Variants in RGS6 observed in about 807,000 individuals in gnomAD.
The protein encoded by RGS6 is regulator of G-protein signaling 6.
RGS6 carries 30 observed loss-of-function variants against 78.5 expected under a neutral mutation model. The ratio of observed to expected loss-of-function variants is 0.38; its 90% confidence interval spans 0.29 to 0.52. RGS6 has a LOEUF of 0.52. Among genes scored for constraint, RGS6 ranks in the 20% least tolerant of loss-of-function variants. RGS6 has a pLI of 0.85. For missense variants in RGS6, 495 were observed against 609.7 expected, an observed-to-expected ratio of 0.81 and a Z score of 1.98; for synonymous variants, 206 against 206.0, an observed-to-expected ratio of 1.00 and a Z score of 0.00.
chr14:72,022,994 A>G (rs868223591), intron 2 of RGS6, among the ~76,000 whole-genome samples: 42 of 151,964 alleles, frequency 2.8e-4, no homozygotes, highest in African/African-American at 9.4e-4. Flanking sequence ...CTCCTCTCTT[A>G]CCTTCGTCTG....
chr14:72,410,016 A>C (rs61012508), intron 3 of RGS6, among the ~76,000 whole-genome samples: 2 of 152,072 alleles, frequency 1.3e-5, no homozygotes, highest in Non-Finnish European at 2.9e-5. Context: ...TAGTGCCGCA[A>C]TAAACATACA....
chr14:72,294,800 G>A (rs1056131550), intron 2 of RGS6, among the ~76,000 whole-genome samples: 7 of 152,160 alleles, frequency 4.6e-5, no homozygotes, highest in Admixed American at 2.0e-4. Context: ...GTGCTAAACC[G>A]TTCACGAAGG....
chr14:71,876,353 G>A, the RGS6 span, among the ~76,000 whole-genome samples: 1 of 151,920 alleles, frequency 6.6e-6, no homozygotes, highest in Non-Finnish European at 1.5e-5. Flanking sequence ...TATATATTTA[G>A]GATAGTTAGC....
At chr14:72,208,084 A>C (rs1389612533) in intron 2 of RGS6, among the ~76,000 whole-genome samples, 2 of 152,202 alleles carry the variant, frequency 1.3e-5, no homozygotes, top group Non-Finnish European at 2.9e-5. Flanking sequence ...TGCTAAGGTA[A>C]TCAGTAAATC....
the RGS6 span, among the ~76,000 whole-genome samples, chr14:72,573,829 CTGCATATACACACACATGCACG>C: frequency 2.6e-5 from 4 of 152,158 alleles, no homozygotes; most frequent in Admixed American, 6.5e-5. Context: ...GTTAAGAAAG[CTGCATATACACACACATGCACG>C]TGCACACACA....
intron 2 of RGS6, among the ~76,000 whole-genome samples, chr14:72,011,686 G>C (rs966815): frequency 0.75 from 114,620 of 152,088 alleles, 44,231 homozygotes; most frequent in South Asian, 0.88. Flanking sequence ...ATGATTTAAA[G>C]TATAGAGGAG....
chr14:72,432,968 A>G (rs956309583), intron 3 of RGS6, among the ~76,000 whole-genome samples: 1 of 152,218 alleles, frequency 6.6e-6, no homozygotes, highest in Non-Finnish European at 1.5e-5. Context: ...ATGAAGAATC[A>G]GTCATAGGTC....
rs116231041 is a variant in RGS6 at position 72,031,401 on chromosome 14, G to T, written c.84+66526G>T. ...GTAGAGGTGTACTTATAGAGTATAC[G>T]ATTTTTATTGTATTCTTTTAAATGG... On this transcript the variant is annotated intron_variant, in intron 2 of 17. Coordinates refer to ENST00000553525, the MANE Select transcript of RGS6 (RefSeq NM_001204424.2). Among the ~76,000 whole-genome samples, 417 of 152,206 alleles carry T rather than the reference G, an allele frequency of 2.7e-3. 1 individual carries two copies. Among genetic ancestry groups the T allele is most frequent in the African/African-American group, 9.8e-3 (405 of 41,514 alleles).
intron 2 of RGS6, among the ~76,000 whole-genome samples, chr14:72,177,297 T>C (rs1416126119): frequency 2.0e-5 from 3 of 152,210 alleles, no homozygotes; most frequent in Non-Finnish European, 2.9e-5. Context: ...TTTGTATCTT[T>C]ATATTTGATT....
At chr14:72,489,063 T>G (rs1052849536) in intron 12 of RGS6, among the ~76,000 whole-genome samples, 1 of 151,994 alleles carries the variant, frequency 6.6e-6, no homozygotes, top group Non-Finnish European at 1.5e-5. Flanking sequence ...TGCCTTGAGC[T>G]GCCAAGTGGA....
At chr14:72,368,307 G>T (rs1216225775) in intron 3 of RGS6, among the ~76,000 whole-genome samples, 1 of 152,112 alleles carries the variant, frequency 6.6e-6, no homozygotes, top group Non-Finnish European at 1.5e-5. Context: ...TCATTCTGTA[G>T]TTAATGCTTC....
At chr14:72,306,177 G>A (rs992759434) in intron 2 of RGS6, among the ~76,000 whole-genome samples, 12 of 152,144 alleles carry the variant, frequency 7.9e-5, no homozygotes, top group African/African-American at 2.9e-4. Flanking sequence ...ACGAAGCCCA[G>A]ATCTGTTTAC....
chr14:72,556,975 G>C (rs1360654098), intron 17 of RGS6, among the ~76,000 whole-genome samples: 3 of 152,174 alleles, frequency 2.0e-5, no homozygotes, highest in Non-Finnish European at 4.4e-5. Flanking sequence ...GCCCCTGCGA[G>C]AGTTGAGGAA....
chr14:72,006,335 A>G (rs2084549244), intron 2 of RGS6, among the ~76,000 whole-genome samples: 1 of 152,204 alleles, frequency 6.6e-6, no homozygotes, highest in South Asian at 2.1e-4. Context: ...ACACTCTTCC[A>G]ACAGTCCCTA....
chr14:72,241,810 A>G (rs1378379014), intron 2 of RGS6, among the ~76,000 whole-genome samples: 3 of 152,266 alleles, frequency 2.0e-5, no homozygotes, highest in African/African-American at 7.2e-5. Context: ...TTCTTGATAC[A>G]TACTGAAAAA....
At chr14:72,531,227 G>A (rs1055432574) in intron 15 of RGS6, among the ~76,000 whole-genome samples, 4 of 152,122 alleles carry the variant, frequency 2.6e-5, no homozygotes, top group Non-Finnish European at 5.9e-5. Flanking sequence ...GAGGCCAGGA[G>A]TTCGAGACCA....
chr14:72,515,551 A>C (rs1011096470), intron 14 of RGS6: 2 of 152,262 alleles, frequency 1.3e-5, no homozygotes, highest in Non-Finnish European at 2.9e-5. Context: ...CTGTAATTCC[A>C]GCTACTCAGG....
intron 2 of RGS6, among the ~76,000 whole-genome samples, chr14:72,142,981 A>G (rs959817700): frequency 1.3e-5 from 2 of 152,124 alleles, no homozygotes; most frequent in South Asian, 2.1e-4. Flanking sequence ...GCTCTTACTG[A>G]TATCAGTGGC....
intron 2 of RGS6, among the ~76,000 whole-genome samples, chr14:72,146,796 T>C (rs2096612760): frequency 6.6e-6 from 1 of 152,236 alleles, no homozygotes. Context: ...TCCCTTTTAG[T>C]TACAAATTTG....
Sources: gnomAD v4.1 joint callset for allele counts (sites outside exome capture counted in the v4.1 genomes callset) on GRCh38, gnomAD v4.1.1 for gene constraint, MANE v1.5 for transcripts, NCBI Gene and HGNC (gene_info 2026-07-23, HGNC 2026-07-21) for gene names.